LTN1: variants seen among roughly 807,000 people sequenced by gnomAD.
LTN1 encodes the protein E3 ubiquitin-protein ligase listerin.
In LTN1, 88 loss-of-function variants were observed where a neutral mutation model predicts 201.2. The ratio of observed to expected loss-of-function variants is 0.44; its 90% CI spans 0.37 to 0.52. LTN1 has a LOEUF of 0.52. Among genes scored for constraint, LTN1 ranks in the 20% least tolerant of loss-of-function variants. The pLI, the probability that LTN1 is intolerant of heterozygous loss-of-function variation, is 0.00. For synonymous variants in LTN1, 645 were observed against 713.5 expected (o/e 0.90, Z 1.53); for missense variants, 1,752 against 2,038.7 (o/e 0.86, Z 2.71).
chr21:28,931,168 T>C lies in LTN1; in HGVS notation c.5225A>G (p.His1742Arg). The C allele has an allele frequency of 1.2e-6, 2 of 1,610,188 alleles. No individual in the cohort carries two copies. Among genetic ancestry groups the C allele is most frequent in the South Asian group, 2.2e-5 (2 of 90,090 alleles). The change falls in exon 29 of 30, where the codon CAT becomes CGT. Residue 1742 changes from histidine to arginine, a missense_variant. Physicochemically the swap from His to Arg is conservative, Grantham distance 29. Transcript: ENST00000361371. ...KACRTCKKKFHSACLYKWFTS... is the reference protein window; with the variant it reads ...KACRTCKKKFRSACLYKWFTS... Reference sequence around the variant, plus strand: ...CTTTAGACTTACCAAGCAGGCTGAATGGAATTTTTTCTTGCATGTTCTACA... The same window carrying C: ...CTTTAGACTTACCAAGCAGGCTGAACGGAATTTTTTCTTGCATGTTCTACA...
intron 27 of LTN1, among the ~76,000 whole-genome samples, chr21:28,933,971 C>T (rs2084233667): frequency 6.6e-6 from 1 of 152,154 alleles, no homozygotes. Flanking sequence ...CCACCACACT[C>T]GGCCTATTTT....
rs376458600 is a variant in LTN1 at position 28,943,542 on chromosome 21, A to G, written c.4220+125T>C. On this transcript the variant is annotated intron_variant, in intron 23 of 29. Coordinates refer to ENST00000361371, the MANE Select transcript of LTN1 (RefSeq NM_015565.3). ...AAAGATGAGGCAACTTAGGGTCCCTATAAGTGAAGCAGTCAGATCTCCTTC... is the reference window on the plus strand; with the variant it reads ...AAAGATGAGGCAACTTAGGGTCCCTGTAAGTGAAGCAGTCAGATCTCCTTC... 5.2e-6 allele frequency: 4 copies of G among 765,532 alleles called. No homozygotes were observed. In the East Asian group the frequency reaches 1.1e-4, roughly 21 times the overall value. 47.4% of individuals were successfully genotyped at this position (765,532 alleles called of 1,614,324 possible).
chr21:28,984,065 T>G (rs1204963378), intron 4 of LTN1, among the ~76,000 whole-genome samples: 1 of 152,196 alleles, frequency 6.6e-6, no homozygotes, highest in African/African-American at 2.4e-5. Flanking sequence ...ATAAATTTGT[T>G]TGGCCTTTTG....
At chr21:28,952,554 C>G (rs998805398) in intron 17 of LTN1, among the ~76,000 whole-genome samples, 26 of 152,162 alleles carry the variant, frequency 1.7e-4, no homozygotes, top group African/African-American at 5.8e-4. Flanking sequence ...GGCTTGAAGA[C>G]CAGAGGCTGT....
In LTN1 at chr21:28,992,820, C is replaced by A; in HGVS notation, c.-15G>T. ...TTCCCGCCCATGGTCGCGGTTGCAG[C>A]TGTACTCTGAGCACTCAGACCCCGG... On this transcript the variant is annotated 5_prime_UTR_variant, in exon 1 of 30. Coordinates refer to ENST00000361371, the MANE Select transcript of LTN1 (RefSeq NM_015565.3). The A allele has an allele frequency of 6.2e-7, 1 of 1,614,234 alleles. No individual in the cohort carries two copies. Among genetic ancestry groups the A allele is most frequent in the Admixed American group, 1.7e-5 (1 of 60,034 alleles).
chr21:28,947,880 T>C (rs1354819525), intron 18 of LTN1, among the ~76,000 whole-genome samples: 1 of 144,432 alleles, frequency 6.9e-6, no homozygotes, highest in African/African-American at 2.5e-5. Context: ...CATGACATTA[T>C]GTCCTCTTTT....
rs1297771289 is a variant in LTN1, at chr21:28,945,759, G to T, written c.3768+48C>A. On this transcript the variant is annotated intron_variant, in intron 21 of 29. Transcript: ENST00000361371. Reference sequence around the variant, plus strand: ...ATTAGTAAATAGTTCTGATGCAAAAGTATGTACAAAAACCCACAAGAGGTG... The same window carrying T: ...ATTAGTAAATAGTTCTGATGCAAAATTATGTACAAAAACCCACAAGAGGTG... 5.2e-6 allele frequency: 8 copies of T among 1,538,392 alleles called. No homozygotes were observed. In the African/African-American group the frequency reaches 9.6e-5, roughly 19 times the overall value.
intron 21 of LTN1, among the ~76,000 whole-genome samples, chr21:28,945,331 A>G (rs1222717425): frequency 1.3e-5 from 2 of 152,194 alleles, no homozygotes; most frequent in African/African-American, 4.8e-5. Context: ...ATTCAGACCA[A>G]TCCAACCCTG....
chr21:28,951,824 G>T (rs370726406), intron 18 of LTN1, among the ~76,000 whole-genome samples: 4 of 151,900 alleles, frequency 2.6e-5, no homozygotes, highest in Non-Finnish European at 5.9e-5. Flanking sequence ...TAAAAAATTA[G>T]CCAGGTGTGG....
intron 6 of LTN1, among the ~76,000 whole-genome samples, chr21:28,980,038 A>C (rs2084646257): frequency 6.6e-6 from 1 of 152,134 alleles, no homozygotes; most frequent in Non-Finnish European, 1.5e-5. Context: ...ATGGCAAAAA[A>C]TCTGAGTCAC....
intron 27 of LTN1, among the ~76,000 whole-genome samples, chr21:28,934,455 G>C (rs2084237722): frequency 6.6e-6 from 1 of 152,110 alleles, no homozygotes; most frequent in Non-Finnish European, 1.5e-5. Flanking sequence ...TCTCGTGATA[G>C]TGAGTGAGCT....
chr21:28,941,413 A>G lies in LTN1; in HGVS notation c.4296-7T>C. 6.3e-7 allele frequency: 1 copy of G among 1,592,854 alleles called. No individual in the cohort carries two copies. Among genetic ancestry groups the G allele is most frequent in the Non-Finnish European group, 8.5e-7 (1 of 1,170,806 alleles). On this transcript the variant is annotated splice_polypyrimidine_tract_variant and splice_region_variant and intron_variant, in intron 24 of 29. Coordinates refer to ENST00000361371, the MANE Select transcript of LTN1 (RefSeq NM_015565.3). ...CAGTGCTGCTGGTGGTGACCTAAGA[A>G]TCAATGATTAAACACCACAAGTTTT...
chr21:28,979,804 T>C (rs1222124406), intron 6 of LTN1, among the ~76,000 whole-genome samples: 2 of 152,064 alleles, frequency 1.3e-5, no homozygotes, highest in Non-Finnish European at 2.9e-5. Context: ...ACCCTGTCTC[T>C]ACTAAAAATA....
rs761390668 is a variant in LTN1 at position 28,928,972 on chromosome 21, A to C, written c.*1476T>G. The C allele has an allele frequency of 5.9e-5, 9 of 152,574 alleles. No homozygotes were observed. The highest frequency in any genetic ancestry group is 1.2e-4 in the Non-Finnish European group (8 of 67,994). 9.5% of individuals were successfully genotyped at this position (152,574 alleles called of 1,614,324 possible). ...AAGAAAAGGGTTAACGAGGTAGTAA[A>C]ATTTTGCTATCTGTACTTCACTTAC... On this transcript the variant is annotated 3_prime_UTR_variant, in exon 30 of 30. Coordinates refer to ENST00000361371, the MANE Select transcript of LTN1 (RefSeq NM_015565.3).
chr21:28,931,820 T>A (rs1212993375), intron 28 of LTN1, among the ~76,000 whole-genome samples: 1 of 152,102 alleles, frequency 6.6e-6, no homozygotes, highest in Admixed American at 6.6e-5. Flanking sequence ...ATGGCCAACA[T>A]AGTGAAACCC....
At chr21:28,990,686 G>A (rs1329106046) in intron 1 of LTN1, among the ~76,000 whole-genome samples, 1 of 152,130 alleles carries the variant, frequency 6.6e-6, no homozygotes, top group Admixed American at 6.6e-5. Flanking sequence ...GATGCACTGA[G>A]AAAGACTCAT....
intron 25 of LTN1, among the ~76,000 whole-genome samples, chr21:28,939,420 C>CA (rs2084280403): frequency 6.6e-6 from 1 of 152,138 alleles, no homozygotes; most frequent in African/African-American, 2.4e-5. Flanking sequence ...CTTTATAAAA[C>CA]AGACACAAAA....
At position 28,936,580 on chromosome 21, in the gene LTN1, G is replaced by A. The variant is rs144668934; in HGVS notation, c.4600C>T (p.Pro1534Ser). 4.3e-3 allele frequency: 6,870 copies of A among 1,613,732 alleles called. 27 individuals are homozygous for A. The highest frequency in any genetic ancestry group is 5.0e-3 in the Non-Finnish European group (5,943 of 1,179,788). ...PTYAETAVEVPNKDPKTFFTE... is the reference protein window; with the variant it reads ...PTYAETAVEVSNKDPKTFFTE... ...AAGAATGTTTTAGGGTCCTTATTTG[G>A]GACCTCAACTGCTGTCTCTGCATAG... Residue 1534 changes from proline to serine, a missense_variant, in exon 26 of 30, where the codon CCA becomes TCA. Transcript: ENST00000361371.
At chr21:28,931,358 G>A (rs2084209657) in intron 28 of LTN1, 36 bp from the exon 29 acceptor site, 2 of 1,190,498 alleles carry the variant, frequency 1.7e-6, no homozygotes, top group East Asian at 5.0e-5. Context: ...ACTACACACT[G>A]ATAACCACCA....
Sources: allele counts gnomAD v4.1 joint callset (sites outside exome capture counted in the v4.1 genomes callset), GRCh38; gene constraint gnomAD v4.1.1; transcripts MANE v1.5; gene names NCBI Gene and HGNC (gene_info 2026-07-23, HGNC 2026-07-21).